LGALS3BP: variants seen among roughly 807,000 people sequenced by gnomAD.
The protein encoded by LGALS3BP is galectin 3 binding protein, also known as galectin-3-binding protein.
Under a neutral mutation model 22.9 loss-of-function variants are expected in LGALS3BP, and 25 were observed. That is an observed-to-expected ratio of 1.09 (90% CI 0.80 to 1.53). The LOEUF (loss-of-function observed/expected upper bound fraction) is 1.53. Among genes scored for constraint, LGALS3BP ranks in the 40% most tolerant of loss-of-function variants. The pLI, the probability that LGALS3BP is intolerant of heterozygous loss-of-function variation, is 0.00. For synonymous variants in LGALS3BP, 335 were observed against 331.1 expected, an observed-to-expected ratio of 1.01 and a Z score of -0.13; for missense variants, 718 against 752.0, an observed-to-expected ratio of 0.95 and a Z score of 0.53.
chr17:78,976,333 G>GC lies in LGALS3BP; in HGVS notation c.53-178dup, dbSNP rs201444913. Reference sequence around the variant, plus strand: ...GAGGGAGGAGTGGAAGATACATACAGCCCCCCCTACCCCGCAAGGAGGCCA... The same window carrying GC: ...GAGGGAGGAGTGGAAGATACATACAGCCCCCCCCTACCCCGCAAGGAGGCCA... On this transcript the variant is annotated intron_variant, in intron 2 of 5. Transcript: ENST00000262776. The surrounding 1 kb of genome is among the most constrained non-coding windows in gnomAD (Gnocchi z 4.6). Among the ~76,000 whole-genome samples, 560 of 152,222 alleles carry GC rather than the reference G, an allele frequency of 3.7e-3. 4 individuals are homozygous for GC. Among genetic ancestry groups the GC allele is most frequent in the African/African-American group, 0.012 (493 of 41,500 alleles).
Position 78,976,547 on chromosome 17 carries a change from A to G in LGALS3BP, c.53-391T>C, listed in dbSNP as rs1283152925. 6.6e-6 allele frequency among the ~76,000 whole-genome samples: 1 copy of G among 152,068 alleles called. No homozygotes were observed. Among genetic ancestry groups the G allele is most frequent in the East Asian group, 1.9e-4 (1 of 5,168 alleles). ...GTCTGCAGTTTGGGGGTGCTGGCCT[A>G]TGGGGGCAGCAGGCCTAGGGACCCC... On this transcript the variant is annotated intron_variant, in intron 2 of 5. Transcript: ENST00000262776. The surrounding 1 kb of genome is among the most constrained non-coding windows in gnomAD (Gnocchi z 4.6).
In LGALS3BP at chr17:78,972,818, G is replaced by A; in HGVS notation, c.630-114C>T. The stretch of plus-strand genomic sequence containing the variant: ...ACACAGTGTGGGAGTGAGCATGCGT[G>A]TGTGTGCAACTGCGTGAGTGCATGT... On this transcript the variant is annotated intron_variant, in intron 5 of 5. Transcript: ENST00000262776. The surrounding 1 kb of genome is among the most constrained non-coding windows in gnomAD (Gnocchi z 5.1). The A allele has an allele frequency of 1.4e-6, 2 of 1,434,828 alleles. No individual in the cohort carries two copies. The highest frequency in any genetic ancestry group is 2.3e-5 in the East Asian group (1 of 42,924). 88.9% of individuals were successfully genotyped at this position (1,434,828 alleles called of 1,614,324 possible). A position where few individuals can be genotyped will look rare whatever the true frequency, so the allele number is the denominator to read the frequency against.
intron 3 of LGALS3BP, 53 bp from the exon 4 acceptor site, chr17:78,974,872 T>TC: frequency 6.3e-7 from 1 of 1,597,754 alleles, no homozygotes; most frequent in South Asian, 1.1e-5. Context: ...CACCCAGGAG[T>TC]CCCACAGCGC....
At position 78,971,847 on chromosome 17, in the gene LGALS3BP, CAGG is replaced by C; in HGVS notation, c.1484_1486del (p.Ser495del). The stretch of plus-strand genomic sequence containing the variant: ...CAGGACAGGGAGCTCGTCCGAGGAG[CAGG>C]AGAAGCCGTAGTTCCAGCAGCTCTG... On this transcript the variant is annotated inframe_deletion, in exon 6 of 6. Coordinates refer to ENST00000262776, the MANE Select transcript of LGALS3BP (RefSeq NM_005567.4). This position sits in a 1 kb window ranked among gnomAD's most constrained non-coding sequence, Gnocchi z 5.6. 6.2e-7 allele frequency: 1 copy of C among 1,614,130 alleles called. No homozygotes were observed. The highest frequency in any genetic ancestry group is 1.1e-5 in the South Asian group (1 of 91,078).
Position 78,973,380 on chromosome 17 carries a change from G to T in LGALS3BP, c.377-158C>A. On this transcript the variant is annotated intron_variant, in intron 4 of 5. Coordinates refer to ENST00000262776, the MANE Select transcript of LGALS3BP (RefSeq NM_005567.4). The surrounding 1 kb of genome is among the most constrained non-coding windows in gnomAD (Gnocchi z 5.8). ...AGGGACAAGAGAGACCGGAAGTGTC[G>T]GATTCCTGGACCCTGAGGCCCCGCC... The T allele has an allele frequency of 1.1e-6, 1 of 898,098 alleles. No individual in the cohort carries two copies. Among genetic ancestry groups the T allele is most frequent in the Non-Finnish European group, 1.6e-6 (1 of 614,680 alleles). 55.6% of individuals were successfully genotyped at this position (898,098 alleles called of 1,614,324 possible).
chr17:78,973,530 G>A lies in LGALS3BP; in HGVS notation c.377-308C>T, dbSNP rs2070694199. ...AGCAGCTCCGCATGGAGACTTGGTG[G>A]TACTGACTCCGGAGCCCCCACTCCC... On this transcript the variant is annotated intron_variant, in intron 4 of 5. Transcript: ENST00000262776. The surrounding 1 kb of genome is among the most constrained non-coding windows in gnomAD (Gnocchi z 5.8). Among the ~76,000 whole-genome samples the A allele has an allele frequency of 6.6e-6, 1 of 152,142 alleles. No homozygotes were observed. The highest frequency in any genetic ancestry group is 1.5e-5 in the Non-Finnish European group (1 of 68,032).
Position 78,972,653 on chromosome 17 carries a change from G to A in LGALS3BP, c.681C>T (p.Phe227=). ...IDITLSSVKC[F]HKLASAYGAR... is the part of the protein sequence containing the mutation. The stretch of plus-strand genomic sequence containing the variant: ...CCCCATAGGCAGAGGCCAGCTTGTG[G>A]AAGCACTTGACTGACGACAGGGTGA... The change falls in exon 6 of 6, where the codon TTC becomes TTT. Residue 227 remains phenylalanine, a synonymous_variant. Coordinates refer to ENST00000262776, the MANE Select transcript of LGALS3BP (RefSeq NM_005567.4). The surrounding 1 kb of genome is among the most constrained non-coding windows in gnomAD (Gnocchi z 5.1). 2 of 1,531,006 alleles carry A rather than the reference G, an allele frequency of 1.3e-6. No individual in the cohort carries two copies. The highest frequency in any genetic ancestry group is 8.8e-7 in the Non-Finnish European group (1 of 1,138,836). 94.8% of individuals were successfully genotyped at this position (1,531,006 alleles called of 1,614,324 possible). A position where few individuals can be genotyped will look rare whatever the true frequency, so the allele number is the denominator to read the frequency against.
rs762255580 is a variant in LGALS3BP, at chr17:78,972,088, C to T, written c.1246G>A (p.Ala416Thr). The T allele has an allele frequency of 1.2e-6, 2 of 1,613,564 alleles. No individual in the cohort carries two copies. Among genetic ancestry groups the T allele is most frequent in the South Asian group, 2.2e-5 (2 of 91,066 alleles). Residue 416 changes from alanine (A) to threonine (T), a missense_variant, in exon 6 of 6, where the codon GCC (alanine) becomes ACC (threonine). By Grantham distance (58) the Ala-to-Thr change is moderately conservative (BLOSUM62 0). Coordinates refer to ENST00000262776, the MANE Select transcript of LGALS3BP (RefSeq NM_005567.4). This position sits in a 1 kb window ranked among gnomAD's most constrained non-coding sequence, Gnocchi z 5.1. ...CTCCAGGAACTGTCTGTCACAAAGG[C>T]ACTCCAGGTGGGCGAGGTGTAAATC... The part of the protein sequence containing the change: ...PRIYTSPTWS[A>T]FVTDSSWSAR...
intron 3 of LGALS3BP, 85 bp from the exon 4 acceptor site, chr17:78,974,904 C>T: frequency 1.9e-6 from 3 of 1,544,540 alleles, no homozygotes; most frequent in Non-Finnish European, 2.6e-6. Context: ...TTGTTCTCCG[C>T]CCCGGCCGTG....
In LGALS3BP at chr17:78,977,324, G is replaced by T; in HGVS notation, c.-23-110C>A. 6 of 843,284 alleles carry T rather than the reference G, an allele frequency of 7.1e-6. No individual in the cohort carries two copies. The Admixed American group carries it at 1.5e-4, about 21-fold the overall frequency. 52.2% of individuals were successfully genotyped at this position (843,284 alleles called of 1,614,324 possible). The stretch of plus-strand genomic sequence containing the variant: ...GCCCAACCTGGGCTGTGTGGCAGGC[G>T]GGGTCCCTCTCTTGCAGAGCCCACT... On this transcript the variant is annotated intron_variant, in intron 1 of 5. Coordinates refer to ENST00000262776, the MANE Select transcript of LGALS3BP (RefSeq NM_005567.4).
In LGALS3BP at chr17:78,972,459, T is replaced by C; in HGVS notation, c.875A>G (p.Gln292Arg). The change falls in exon 6 of 6, where the codon CAG becomes CGG. Residue 292 changes from glutamine (Q) to arginine (R), a missense_variant. Coordinates refer to ENST00000262776, the MANE Select transcript of LGALS3BP (RefSeq NM_005567.4). The surrounding 1 kb of genome is among the most constrained non-coding windows in gnomAD (Gnocchi z 5.1). ...GGGGACACTGGGCCAGGCCTCGGCC[T>C]GCGTCAAGGCCTCGAAGTTCCAGGC... ...FLAWNFEALT[Q>R]AEAWPSVPTD... The C allele has an allele frequency of 6.2e-7, 1 of 1,613,396 alleles. No individual in the cohort carries two copies. The highest frequency in any genetic ancestry group is 1.1e-5 in the South Asian group (1 of 91,080).
At position 78,971,797 on chromosome 17, in the gene LGALS3BP, C is replaced by T. The variant is rs1407306319; in HGVS notation, c.1537G>A (p.Asp513Asn). The change falls in exon 6 of 6, where the codon GAT becomes AAT. Residue 513 changes from aspartate (D) to asparagine (N), a missense_variant. By Grantham distance (23) the Asp-to-Asn change is conservative. Coordinates refer to ENST00000262776, the MANE Select transcript of LGALS3BP (RefSeq NM_005567.4). This position sits in a 1 kb window ranked among gnomAD's most constrained non-coding sequence, Gnocchi z 5.6. The part of the protein sequence containing the change: ...VLGLTKSGGS[D>N]RTIAYENKAL... ...TTGTTTTCGTAGGCAATGGTGCGAT[C>T]TGAGCCGCCAGACTTGGTGAGGCCC... 6.2e-7 allele frequency: 1 copy of T among 1,614,016 alleles called. No homozygotes were observed. The highest frequency in any genetic ancestry group is 1.7e-5 in the Admixed American group (1 of 60,008).
Position 78,972,868 on chromosome 17 carries a change from G to T in LGALS3BP, c.629+102C>A. 2 of 1,468,836 alleles carry T rather than the reference G, an allele frequency of 1.4e-6. No individual in the cohort carries two copies. The highest frequency in any genetic ancestry group is 1.8e-6 in the Non-Finnish European group (2 of 1,089,222). The allele number at this position is 1,468,836 out of a possible 1,614,324, so 91.0% of individuals were successfully genotyped here. On this transcript the variant is annotated intron_variant, in intron 5 of 5. Transcript: ENST00000262776. The surrounding 1 kb of genome is among the most constrained non-coding windows in gnomAD (Gnocchi z 5.1). ...TGTGACTGCGTGTGTACATGTGCAT[G>T]CATGAGTATGTGCAGGTGTGTGTGT...
At position 78,977,157 on chromosome 17, in the gene LGALS3BP, A is replaced by G. The variant is rs2070727770; in HGVS notation, c.35T>C (p.Leu12Pro). 6.2e-7 allele frequency: 1 copy of G among 1,613,166 alleles called. No individual in the cohort carries two copies. The highest frequency in any genetic ancestry group is 1.3e-5 in the African/African-American group (1 of 74,922). The change falls in exon 2 of 6, where the codon CTG becomes CCG. Residue 12 changes from leucine to proline, a missense_variant. Physicochemically the swap from Leu to Pro is moderately conservative, Grantham distance 98. Transcript: ENST00000262776. The part of the protein sequence containing the change: ...TPPRLFWVWL[L>P]VAGTQGVNDG... Reference sequence around the variant, plus strand: ...CAGCTCACCTTGGGTTCCTGCAACCAGCAGCCACACCCAGAAGAGCCTCGG... The same window carrying G: ...CAGCTCACCTTGGGTTCCTGCAACCGGCAGCCACACCCAGAAGAGCCTCGG...
At chr17:78,977,368 A>G in intron 1 of LGALS3BP, 154 bp from the exon 2 acceptor site, 1 of 630,982 alleles carries the variant, frequency 1.6e-6, no homozygotes, top group South Asian at 1.9e-5. Context: ...AGTAAGTGTG[A>G]CGTGTGCTGT....
chr17:78,974,869 G>T (rs1404671173), intron 3 of LGALS3BP, 50 bp from the exon 4 acceptor site: 1 of 1,599,412 alleles, frequency 6.3e-7, no homozygotes, highest in South Asian at 1.1e-5. Flanking sequence ...CTGCACCCAG[G>T]AGTCCCACAG....
intron 3 of LGALS3BP, among the ~76,000 whole-genome samples, 167 bp downstream of exon 3, chr17:78,975,798 A>C (rs1297902811): frequency 4.1e-5 from 4 of 97,696 alleles, no homozygotes; most frequent in African/African-American, 1.8e-4. Context: ...TCTCAAAAAA[A>C]AAAAAAAAAA....
rs1296441737 is a variant in LGALS3BP at position 78,972,032 on chromosome 17, G to A, written c.1302C>T (p.Ser434=). The part of the protein sequence containing the change: ...SARKSQLVYQ[S]RRGPLVKYSS... ...AATATTTGACCAAAGGCCCCCGTCT[G>A]GACTGATAGACCAGTTGTGACTTCC... Residue 434 remains serine (S), a synonymous_variant, in exon 6 of 6, where the codon TCC becomes TCT. Transcript: ENST00000262776. This position sits in a 1 kb window ranked among gnomAD's most constrained non-coding sequence, Gnocchi z 5.1. 1 of 1,614,076 alleles carries A rather than the reference G, an allele frequency of 6.2e-7. No homozygotes were observed. The highest frequency in any genetic ancestry group is 8.5e-7 in the Non-Finnish European group (1 of 1,180,014).
chr17:78,975,951 A>T lies in LGALS3BP; in HGVS notation c.244+14T>A. The T allele has an allele frequency of 6.3e-7, 1 of 1,587,634 alleles. No homozygotes were observed. The highest frequency in any genetic ancestry group is 8.6e-7 in the Non-Finnish European group (1 of 1,167,202). ...TGGGTCTCAGCCTCAGTGGAAGGGG[A>T]CAGCAGGCCCTACCTTGCCCGAAGG... On this transcript the variant is annotated intron_variant, in intron 3 of 5. Transcript: ENST00000262776.
Sources: allele counts gnomAD v4.1 joint callset (sites outside exome capture counted in the v4.1 genomes callset), GRCh38; gene constraint gnomAD v4.1.1; non-coding constraint Gnocchi (gnomAD v3.1); transcripts MANE v1.5; gene names NCBI Gene and HGNC (gene_info 2026-07-23, HGNC 2026-07-21).